Variants in SLC35E3 observed in about 807,000 individuals in gnomAD.
SLC35E3 encodes solute carrier family 35 member E3, also known as bladder cancer-overexpressed gene 1 protein.
Under a neutral mutation model 30.8 loss-of-function variants are expected in SLC35E3, and 28 were observed. That is an observed-to-expected ratio of 0.91 (90% CI 0.67 to 1.25). The LOEUF (loss-of-function observed/expected upper bound fraction) is 1.25, where lower values mean the gene tolerates loss of function less well. Ranked by LOEUF, SLC35E3 falls within the 50% of genes most tolerant of loss-of-function variation. SLC35E3 has a pLI of 0.00. For missense variants in SLC35E3, 365 were observed against 375.4 expected, an observed-to-expected ratio of 0.97 and a Z score of 0.23; for synonymous variants, 146 against 149.2, an observed-to-expected ratio of 0.98 and a Z score of 0.16.
Position 68,774,554 on chromosome 12 carries a change from G to C in SLC35E3, c.*9664G>C, listed in dbSNP as rs1879687235. 1 of 149,010 alleles carries C rather than the reference G, an allele frequency of 6.7e-6. No individual in the cohort carries two copies. Among genetic ancestry groups the C allele is most frequent in the African/African-American group, 2.5e-5 (1 of 39,668 alleles). The allele number at this position is 149,010 out of a possible 1,614,324, so 9.2% of individuals were successfully genotyped here. On this transcript the variant is annotated 3_prime_UTR_variant, in exon 5 of 5. Coordinates refer to ENST00000398004, the MANE Select transcript of SLC35E3 (RefSeq NM_018656.5). ...AGACCACGCCATTGCACTCCAGCCT[G>C]GGCAACAAGAGTGAAACTCCATCTC...
intron 2 of SLC35E3, among the ~76,000 whole-genome samples, chr12:68,749,862 C>T (rs1046641548): frequency 1.3e-5 from 2 of 152,028 alleles, no homozygotes; most frequent in African/African-American, 2.4e-5. Context: ...ATGTCAGGGT[C>T]GTGAAGCCAT....
At position 68,752,067 on chromosome 12, in the gene SLC35E3, C is replaced by G. The variant is rs1263589461; in HGVS notation, c.549C>G (p.Asn183Lys). ...VGAKQHELQVNSMQLLYYQAP... is the reference protein window; with the variant it reads ...VGAKQHELQVKSMQLLYYQAP... The stretch of plus-strand genomic sequence containing the variant: ...CCAAACAGCATGAATTACAAGTGAA[C>G]TCAATGCAGCTGCTGTACTACCAGG... The change falls in exon 3 of 5, where the codon AAC becomes AAG. Residue 183 changes from asparagine (N) to lysine (K), a missense_variant. Coordinates refer to ENST00000398004, the MANE Select transcript of SLC35E3 (RefSeq NM_018656.5). 1 of 1,610,074 alleles carries G rather than the reference C, an allele frequency of 6.2e-7. No homozygotes were observed.
Position 68,746,213 on chromosome 12 carries a change from T to C in SLC35E3, c.-165T>C, listed in dbSNP as rs1878541006. 1 of 573,046 alleles carries C rather than the reference T, an allele frequency of 1.7e-6. No homozygotes were observed. Among genetic ancestry groups the C allele is most frequent in the African/African-American group, 1.9e-5 (1 of 52,968 alleles). 35.5% of individuals were successfully genotyped at this position (573,046 alleles called of 1,614,324 possible). A position where few individuals can be genotyped will look rare whatever the true frequency, so the allele number is the denominator to read the frequency against. On this transcript the variant is annotated 5_prime_UTR_variant, in exon 1 of 5. Transcript: ENST00000398004. ...TTACAGGGCGGCGGCGGGGTGTGTG[T>C]CCTCTGTTAAGAGTGCTACTCGCCC... is the stretch of plus-strand genomic sequence containing the variant.
At chr12:68,749,210 TA>T (rs1461752033) in intron 2 of SLC35E3, among the ~76,000 whole-genome samples, 1 of 152,202 alleles carries the variant, frequency 6.6e-6, no homozygotes, top group Admixed American at 6.5e-5. Flanking sequence ...TCTATATCCC[TA>T]AGGTAGATAT....
intron 3 of SLC35E3, among the ~76,000 whole-genome samples, chr12:68,753,834 A>ACACACACACAC (rs762941770): frequency 6.8e-6 from 1 of 147,930 alleles, no homozygotes; most frequent in African/African-American, 2.5e-5. Context: ...ACACACACAC[A>ACACACACACAC]CCCCAATTAA....
Position 68,765,714 on chromosome 12 carries a change from C to A in SLC35E3, c.*824C>A, listed in dbSNP as rs1879386778. 6.8e-6 allele frequency: 1 copy of A among 146,310 alleles called. No individual in the cohort carries two copies. The highest frequency in any genetic ancestry group is 2.6e-5 in the African/African-American group (1 of 39,038). 9.1% of individuals were successfully genotyped at this position (146,310 alleles called of 1,614,324 possible). A position where few individuals can be genotyped will look rare whatever the true frequency, so the allele number is the denominator to read the frequency against. On this transcript the variant is annotated 3_prime_UTR_variant, in exon 5 of 5. Coordinates refer to ENST00000398004, the MANE Select transcript of SLC35E3 (RefSeq NM_018656.5). ...TATACATGTGTATATATATACCATC[C>A]CATATATATGTGGGATATATATATA...
intron 3 of SLC35E3, among the ~76,000 whole-genome samples, chr12:68,756,885 G>A (rs1879034660): frequency 6.6e-6 from 1 of 152,140 alleles, no homozygotes; most frequent in Non-Finnish European, 1.5e-5. Flanking sequence ...CGTGGTGGCT[G>A]GTGCCTGTAG....
intron 1 of SLC35E3, among the ~76,000 whole-genome samples, chr12:68,747,332 C>T (rs1454325126): frequency 2.0e-5 from 3 of 151,462 alleles, no homozygotes; most frequent in Non-Finnish European, 1.5e-5. Context: ...TGCAATGGCA[C>T]GATCTCGGCT....
At chr12:68,759,112 T>C (rs1172837422) in intron 3 of SLC35E3, 45 bp from the exon 4 acceptor site, 3 of 1,237,392 alleles carry the variant, frequency 2.4e-6, no homozygotes, top group Non-Finnish European at 3.5e-6. Context: ...TTGATGATTA[T>C]GATTGCAGTG....
chr12:68,748,602 C>G lies in SLC35E3; in HGVS notation c.513+562C>G, dbSNP rs74103033. ...TTTTCCATTTGTGCAAGCGCAGTGC[C>G]TTGCCTATAGCAGATATTCATTAAA... On this transcript the variant is annotated intron_variant, in intron 2 of 4. Coordinates refer to ENST00000398004, the MANE Select transcript of SLC35E3 (RefSeq NM_018656.5). Among the ~76,000 whole-genome samples, 88 of 152,124 alleles carry G rather than the reference C, an allele frequency of 5.8e-4. 3 individuals are homozygous for G. The South Asian group carries it at 0.018, about 32-fold the overall frequency.
rs974723882 is a variant in SLC35E3, at chr12:68,780,810, T to A, written c.*15920T>A. 2.6e-5 allele frequency: 4 copies of A among 152,206 alleles called. No individual in the cohort carries two copies. Among genetic ancestry groups the A allele is most frequent in the African/African-American group, 4.8e-5 (2 of 41,458 alleles). 9.4% of individuals were successfully genotyped at this position (152,206 alleles called of 1,614,324 possible). On this transcript the variant is annotated 3_prime_UTR_variant, in exon 5 of 5. Coordinates refer to ENST00000398004, the MANE Select transcript of SLC35E3 (RefSeq NM_018656.5). ...AGTCACGCTTTTTAGTCAAGATTTTTAAAAATGTCTGCATGCTTTTCTGAG... is the reference window on the plus strand; with the variant it reads ...AGTCACGCTTTTTAGTCAAGATTTTAAAAAATGTCTGCATGCTTTTCTGAG...
At chr12:68,755,490 C>T (rs1878965917) in intron 3 of SLC35E3, among the ~76,000 whole-genome samples, 1 of 152,094 alleles carries the variant, frequency 6.6e-6, no homozygotes, top group Admixed American at 6.6e-5. Flanking sequence ...TATACTAATA[C>T]TATTTGTATT....
At position 68,774,051 on chromosome 12, in the gene SLC35E3, C is replaced by T. The variant is rs1879673789; in HGVS notation, c.*9161C>T. 2 of 152,140 alleles carry T rather than the reference C, an allele frequency of 1.3e-5. No homozygotes were observed. Among genetic ancestry groups the T allele is most frequent in the Non-Finnish European group, 2.9e-5 (2 of 68,048 alleles). 9.4% of individuals were successfully genotyped at this position (152,140 alleles called of 1,614,324 possible). A position where few individuals can be genotyped will look rare whatever the true frequency, so the allele number is the denominator to read the frequency against. ...AGATGTGGCTGGTAGTGTCTATTAC[C>T]ACCTCCTTCCTGCCTTAAATGTAGC... is the stretch of plus-strand genomic sequence containing the variant. On this transcript the variant is annotated 3_prime_UTR_variant, in exon 5 of 5. Transcript: ENST00000398004.
At position 68,747,965 on chromosome 12, in the gene SLC35E3, T is replaced by C. The variant is rs750140211; in HGVS notation, c.438T>C (p.Tyr146=). The change falls in exon 2 of 5, where the codon TAT becomes TAC. Residue 146 remains tyrosine (Y), a synonymous_variant. Coordinates refer to ENST00000398004, the MANE Select transcript of SLC35E3 (RefSeq NM_018656.5). ...CTTTAGGTGTAATCCTAAATTCTTA[T>C]TACGATGTGAAGTTTAATTTCCTTG... is the stretch of plus-strand genomic sequence containing the variant. ...PITLGVILNS[Y]YDVKFNFLGM... The C allele has an allele frequency of 4.4e-6, 7 of 1,607,552 alleles. No individual in the cohort carries two copies. Among genetic ancestry groups the C allele is most frequent in the Non-Finnish European group, 5.1e-6 (6 of 1,174,440 alleles).
chr12:68,752,307 A>G, intron 3 of SLC35E3, 117 bp downstream of exon 3: 4 of 1,041,382 alleles, frequency 3.8e-6, no homozygotes, highest in Non-Finnish European at 5.5e-6. Context: ...TTATCGTCAT[A>G]ATCACCATAA....
At chr12:68,757,113 C>T (rs1048379101) in intron 3 of SLC35E3, among the ~76,000 whole-genome samples, 4 of 152,154 alleles carry the variant, frequency 2.6e-5, no homozygotes, top group Non-Finnish European at 4.4e-5. Context: ...TTGGCAAAAT[C>T]GGCATACAAA....
chr12:68,748,287 T>G (rs1298768337), intron 2 of SLC35E3, among the ~76,000 whole-genome samples: 1 of 152,158 alleles, frequency 6.6e-6, no homozygotes, highest in Non-Finnish European at 1.5e-5. Flanking sequence ...CAGCTTGGGG[T>G]GAAGTTATTT....
At chr12:68,764,647 G>A (rs1249169898) in intron 4 of SLC35E3, 57 bp from the exon 5 acceptor site, 1 of 1,539,006 alleles carries the variant, frequency 6.5e-7, no homozygotes, top group Non-Finnish European at 8.9e-7. Flanking sequence ...GCGAGTGTGT[G>A]TGTAAATATT....
At chr12:68,756,876 G>A (rs1387169665) in intron 3 of SLC35E3, among the ~76,000 whole-genome samples, 2 of 152,178 alleles carry the variant, frequency 1.3e-5, no homozygotes, top group Admixed American at 6.5e-5. Context: ...TTAGCTGGGC[G>A]TGGTGGCTGG....
Sources: gnomAD v4.1 joint callset for allele counts (sites outside exome capture counted in the v4.1 genomes callset) on GRCh38, gnomAD v4.1.1 for gene constraint, MANE v1.5 for transcripts, NCBI Gene and HGNC (gene_info 2026-07-23, HGNC 2026-07-21) for gene names.